The following MACF1 variants were observed in gnomAD, a reference collection of about 807,000 sequenced individuals.
MACF1 encodes microtubule-actin cross-linking factor 1.
Under a neutral mutation model 854.8 loss-of-function variants are expected in MACF1, and 193 were observed. That is an observed-to-expected ratio of 0.23 (90% CI 0.20 to 0.25). The LOEUF is 0.25. Ranked by LOEUF, MACF1 falls within the 10% of genes least tolerant of loss-of-function variation. The probability of loss-of-function intolerance (pLI) is 1.00; values close to 1 mark genes in which losing one functional copy is unlikely to be tolerated. For missense variants in MACF1, 7,722 were observed against 8,929.1 expected (o/e 0.86, Z 5.45); for synonymous variants, 3,185 against 3,226.7 (o/e 0.99, Z 0.44).
In MACF1 at chr1:39,422,803, T is replaced by A; in HGVS notation, c.16052T>A (p.Leu5351Ter). ...CGKFQDALEP[L>*]LSWLADTEEL... ...AAGTTTCAAGATGCCTTGGAGCCATTGCTCAGCTGGTTGGCAGATACCGAG... is the reference window on the plus strand; with the variant it reads ...AAGTTTCAAGATGCCTTGGAGCCATAGCTCAGCTGGTTGGCAGATACCGAG... Residue 5351 changes from leucine to a stop codon, truncating the protein, a stop_gained, in exon 60 of 101, where the codon TTG (leucine) becomes TAG (stop). Transcript: ENST00000564288. LOFTEE classifies it high-confidence loss of function. 1 of 1,614,228 alleles carries A rather than the reference T, an allele frequency of 6.2e-7. No homozygotes were observed. Among genetic ancestry groups the A allele is most frequent in the Non-Finnish European group, 8.5e-7 (1 of 1,180,032 alleles).
rs746501038 is a variant in MACF1 at position 39,309,692 on chromosome 1, A to G, written c.2912A>G (p.Glu971Gly). The G allele has an allele frequency of 1.9e-6, 3 of 1,609,472 alleles. No homozygotes were observed. The highest frequency in any genetic ancestry group is 1.3e-5 in the African/African-American group (1 of 74,810). ...DLDLVQTWNLEKLRSSAPGEC... is the reference protein window; with the variant it reads ...DLDLVQTWNLGKLRSSAPGEC... ...GACCTTGTACAGACCTGGAACCTAG[A>G]AAAGGTAATTATGAAAACCTTACCC... The change falls in exon 24 of 101, where the codon GAA becomes GGA. Residue 971 changes from glutamate to glycine, a missense_variant. Physicochemically the swap from Glu to Gly is moderately conservative, Grantham distance 98 (BLOSUM62 -2). Transcript: ENST00000564288.
chr1:39,286,239 C>T (rs1032851307), intron 14 of MACF1, among the ~76,000 whole-genome samples: 2 of 151,954 alleles, frequency 1.3e-5, no homozygotes, highest in African/African-American at 2.4e-5. Flanking sequence ...ATCTCAATCT[C>T]CTGGGTTCAA....
At chr1:39,438,391 C>T (rs1173800538) in intron 71 of MACF1, among the ~76,000 whole-genome samples, 3 of 152,328 alleles carry the variant, frequency 2.0e-5, no homozygotes, top group Admixed American at 2.0e-4. Context: ...GGTTTTGTAT[C>T]TTAGCACTAC....
chr1:39,397,435 G>A (rs1385686395), intron 58 of MACF1, among the ~76,000 whole-genome samples: 3 of 152,076 alleles, frequency 2.0e-5, no homozygotes, highest in South Asian at 2.1e-4. Flanking sequence ...GGTGGCGAGC[G>A]CCTGTAATCC....
At chr1:39,356,651 A>G (rs1323483983) in intron 44 of MACF1, among the ~76,000 whole-genome samples, 1 of 152,194 alleles carries the variant, frequency 6.6e-6, no homozygotes, top group Non-Finnish European at 1.5e-5. Flanking sequence ...GATTACAGAC[A>G]TGAGCCACCA....
At chr1:39,304,040 T>A (rs1181658939) in intron 23 of MACF1, among the ~76,000 whole-genome samples, 1 of 151,632 alleles carries the variant, frequency 6.6e-6, no homozygotes, top group Non-Finnish European at 1.5e-5. Context: ...TTAATTATAC[T>A]TTAAGTTCTA....
At position 39,388,384 on chromosome 1, in the gene MACF1, C is replaced by T; in HGVS notation, c.15542C>T (p.Ala5181Val). ...VLKLDIEASE[A>V]ECRHMLEEEG... is the part of the protein sequence containing the mutation. Reference sequence around the variant, plus strand: ...AAATTAGACATAGAGGCCTCTGAAGCAGAGTGTCGACATATGCTAGAAGAA... The same window carrying T: ...AAATTAGACATAGAGGCCTCTGAAGTAGAGTGTCGACATATGCTAGAAGAA... Residue 5181 changes from alanine (A) to valine (V), a missense_variant, in exon 58 of 101, where the codon GCA becomes GTA. Physicochemically the swap from Ala to Val is moderately conservative, Grantham distance 64. This residue lies in a region of MACF1 where 2,807 missense variants were observed against 3,235.8 expected (regional missense o/e 0.87). Coordinates refer to ENST00000564288, the MANE Select transcript of MACF1 (RefSeq NM_001394062.1). 1 of 1,614,120 alleles carries T rather than the reference C, an allele frequency of 6.2e-7. No homozygotes were observed. Among genetic ancestry groups the T allele is most frequent in the Non-Finnish European group, 8.5e-7 (1 of 1,180,018 alleles).
At chr1:39,148,243 T>C (rs928232818) in intron 2 of MACF1, among the ~76,000 whole-genome samples, 1 of 152,200 alleles carries the variant, frequency 6.6e-6, no homozygotes, top group Non-Finnish European at 1.5e-5. Context: ...TCTTCATCTT[T>C]GTTTTTTGGT....
At chr1:39,402,175 G>A (rs1642502953) in intron 58 of MACF1, among the ~76,000 whole-genome samples, 1 of 152,166 alleles carries the variant, frequency 6.6e-6, no homozygotes, top group African/African-American at 2.4e-5. Context: ...TCGCACCATT[G>A]CACTCCACCT....
At chr1:39,304,664 C>G in intron 23 of MACF1, 2 of 452,544 alleles carry the variant, frequency 4.4e-6, no homozygotes, top group South Asian at 4.2e-5. Context: ...CCTGTGTTCA[C>G]GCCATTCTCC....
rs58999971 is a variant in MACF1, at chr1:39,185,298, A to AAG, written c.221-45883_221-45882insGA. Among the ~76,000 whole-genome samples the AAG allele has an allele frequency of 3.6e-4, 55 of 151,878 alleles. 2 individuals carry two copies. In the East Asian group the frequency reaches 0.01, roughly 28 times the overall value. On this transcript the variant is annotated intron_variant, in intron 2 of 93. Transcript: ENST00000361689. The stretch of plus-strand genomic sequence containing the variant: ...CAGAGCGAGACTCCGTCTCAAAAAA[A>AAG]AAAAAAACAAAAAAGGAAAAAGAAA...
chr1:39,319,576 G>A, intron 30 of MACF1, 88 bp from the exon 31 acceptor site: 1 of 899,810 alleles, frequency 1.1e-6, no homozygotes, highest in Non-Finnish European at 1.8e-6. Context: ...GCTAAGGTTT[G>A]GAAACTACTG....
intron 38 of MACF1, among the ~76,000 whole-genome samples, chr1:39,339,696 A>G (rs1646893710): frequency 6.6e-6 from 1 of 152,238 alleles, no homozygotes. Flanking sequence ...ACCAATTAAA[A>G]GGGAGAACTT....
At chr1:39,419,173 C>CT (rs1401401976) in intron 58 of MACF1, among the ~76,000 whole-genome samples, 1 of 152,140 alleles carries the variant, frequency 6.6e-6, no homozygotes, top group African/African-American at 2.4e-5. Context: ...GTTCTGTTCA[C>CT]TTTTATTCAA....
Position 39,197,244 on chromosome 1 carries a change from T to TAC in MACF1, c.221-33922_221-33921dup, listed in dbSNP as rs550189279. Among the ~76,000 whole-genome samples, 560 of 150,514 alleles carry TAC rather than the reference T, an allele frequency of 3.7e-3. 3 individuals carry two copies. Among genetic ancestry groups the TAC allele is most frequent in the South Asian group, 0.01 (50 of 4,774 alleles). On this transcript the variant is annotated intron_variant, in intron 2 of 93. Coordinates refer to the MACF1 transcript ENST00000361689. The stretch of plus-strand genomic sequence containing the variant: ...TATAATAAATATAAATATAAATATA[T>TAC]ACACACACACACACACAAGCTGCAG...
intron 35 of MACF1, 25 bp downstream of exon 35, chr1:39,324,759 G>A (rs1289223927): frequency 2.0e-6 from 3 of 1,523,636 alleles, no homozygotes. Context: ...AGAGATTATG[G>A]CACATCTGGG....
intron 58 of MACF1, among the ~76,000 whole-genome samples, chr1:39,392,720 G>A (rs1642081655): frequency 6.6e-6 from 1 of 152,080 alleles, no homozygotes; most frequent in Non-Finnish European, 1.5e-5. Context: ...GCAGTCTGTG[G>A]GGAAAATTAT....
chr1:39,183,257 T>TA (rs1448270544), intron 2 of MACF1, among the ~76,000 whole-genome samples: 2 of 152,214 alleles, frequency 1.3e-5, no homozygotes, highest in African/African-American at 4.8e-5. Flanking sequence ...TGGAATGTTC[T>TA]AAAGTTAGAT....
intron 80 of MACF1, among the ~76,000 whole-genome samples, chr1:39,447,129 T>TA (rs1490475912): frequency 1.3e-5 from 2 of 152,204 alleles, no homozygotes; most frequent in African/African-American, 4.8e-5. Context: ...TCTGTTCACT[T>TA]ACAGTTATTG....
Sources: allele counts gnomAD v4.1 joint callset (sites outside exome capture counted in the v4.1 genomes callset), GRCh38; gene constraint gnomAD v4.1.1; regional missense constraint gnomAD v4.1.1; transcripts MANE v1.5; gene names NCBI Gene and HGNC (gene_info 2026-07-23, HGNC 2026-07-21).